MARK3: variants seen among roughly 807,000 people sequenced by gnomAD.
MARK3 encodes microtubule affinity regulating kinase 3.
MARK3 carries 46 observed loss-of-function variants against 90.1 expected under a neutral mutation model. The ratio of observed to expected loss-of-function variants is 0.51; its 90% confidence interval spans 0.40 to 0.65. MARK3 has a LOEUF of 0.65. MARK3 is among the 30% of genes least tolerant of loss of function. The pLI is 0.00. For synonymous variants in MARK3, 321 were observed against 332.6 expected, an observed-to-expected ratio of 0.97 and a Z score of 0.38; for missense variants, 818 against 947.2, an observed-to-expected ratio of 0.86 and a Z score of 1.79.
chr14:103,465,828 T>C, intron 8 of MARK3, 35 bp downstream of exon 8: 2 of 1,574,076 alleles, frequency 1.3e-6, no homozygotes, highest in African/African-American at 2.7e-5. Context: ...TTCACTAAAC[T>C]AAAAGAAGTT....
At chr14:103,483,528 T>G (rs2093864864) in intron 14 of MARK3, among the ~76,000 whole-genome samples, 1 of 152,242 alleles carries the variant, frequency 6.6e-6, no homozygotes, top group South Asian at 2.1e-4. Context: ...TAATTTTAAT[T>G]ATTTTTTCTT....
intron 16 of MARK3, chr14:103,499,874 G>GCAGCAGTGTGTT (rs1273895813): frequency 2.1e-6 from 1 of 467,106 alleles, no homozygotes; most frequent in Admixed American, 3.5e-5. Flanking sequence ...TGCGGTGTGT[G>GCAGCAGTGTGTT]CAGTGTGCAG....
chr14:103,404,758 A>G (rs1037429851), intron 1 of MARK3, among the ~76,000 whole-genome samples: 1 of 152,182 alleles, frequency 6.6e-6, no homozygotes, highest in African/African-American at 2.4e-5. Flanking sequence ...GTGCAGGTGC[A>G]CTTACTAACA....
At chr14:103,391,804 C>T (rs1304441142) in intron 1 of MARK3, among the ~76,000 whole-genome samples, 3 of 151,030 alleles carry the variant, frequency 2.0e-5, no homozygotes, top group African/African-American at 4.9e-5. Context: ...GTGATCCGCC[C>T]GCCTTGGCCT....
At chr14:103,440,955 A>T (rs2092837354) in intron 3 of MARK3, among the ~76,000 whole-genome samples, 1 of 149,524 alleles carries the variant, frequency 6.7e-6, no homozygotes, top group South Asian at 2.1e-4. Context: ...AAAAGAAAAG[A>T]AAAGAAAAAT....
At chr14:103,452,489 T>TTTTTTTTTTTTTTTTTTTTTTTG (rs2093172785) in intron 5 of MARK3, among the ~76,000 whole-genome samples, 1 of 137,428 alleles carries the variant, frequency 7.3e-6, no homozygotes, top group Non-Finnish European at 1.6e-5. Flanking sequence ...TTTTTTTTTT[T>TTTTTTTTTTTTTTTTTTTTTTTG]GAGACGGAGT....
At chr14:103,487,405 G>C (rs1595908563) in intron 14 of MARK3, among the ~76,000 whole-genome samples, 1 of 150,368 alleles carries the variant, frequency 6.7e-6, no homozygotes. Flanking sequence ...TTTTTTTTCT[G>C]CAAAGCATCT....
intron 1 of MARK3, among the ~76,000 whole-genome samples, chr14:103,388,474 T>C (rs1410164962): frequency 6.6e-6 from 1 of 152,220 alleles, no homozygotes; most frequent in Admixed American, 6.5e-5. Context: ...GAGTGGTGAA[T>C]GTACAAGAAT....
At chr14:103,449,994 T>C (rs1224868264) in intron 4 of MARK3, among the ~76,000 whole-genome samples, 1 of 152,126 alleles carries the variant, frequency 6.6e-6, no homozygotes, top group Admixed American at 6.6e-5. Flanking sequence ...GAAAGAAGCT[T>C]TTACAGAGAG....
intron 3 of MARK3, among the ~76,000 whole-genome samples, chr14:103,444,341 T>C (rs2092938978): frequency 6.6e-6 from 1 of 152,142 alleles, no homozygotes; most frequent in South Asian, 2.1e-4. Flanking sequence ...GATGTATAGA[T>C]GTGAAAATGT....
At chr14:103,462,738 T>C (rs2093425796) in intron 7 of MARK3, among the ~76,000 whole-genome samples, 1 of 152,188 alleles carries the variant, frequency 6.6e-6, no homozygotes, top group Admixed American at 6.5e-5. Flanking sequence ...CAGAAATGTA[T>C]GGTCACGCCC....
At chr14:103,469,833 C>T (rs971308128) in intron 12 of MARK3, among the ~76,000 whole-genome samples, 6 of 151,766 alleles carry the variant, frequency 4.0e-5, no homozygotes, top group African/African-American at 1.5e-4. Flanking sequence ...GAGGCCGAGG[C>T]GTGTGGATCA....
intron 2 of MARK3, among the ~76,000 whole-genome samples, chr14:103,409,504 T>G (rs1235799821): frequency 7.3e-5 from 11 of 149,900 alleles, no homozygotes; most frequent in Non-Finnish European, 1.5e-4. Context: ...TCTTGTGGGG[T>G]TTTTTTTGCC....
At chr14:103,447,721 T>C (rs1340724482) in intron 3 of MARK3, among the ~76,000 whole-genome samples, 1 of 152,154 alleles carries the variant, frequency 6.6e-6, no homozygotes, top group Non-Finnish European at 1.5e-5. Context: ...AGCAATTTAA[T>C]ATTTCTTATT....
At chr14:103,460,618 A>G (rs777436380) in intron 6 of MARK3, among the ~76,000 whole-genome samples, 2 of 152,290 alleles carry the variant, frequency 1.3e-5, no homozygotes, top group East Asian at 1.9e-4. Context: ...TTTGGAGCTA[A>G]AGAGAGAGAG....
intron 5 of MARK3, 68 bp downstream of exon 5, chr14:103,452,051 T>A: frequency 9.9e-7 from 1 of 1,012,104 alleles, no homozygotes; most frequent in Non-Finnish European, 1.5e-6. Flanking sequence ...ACAACCATAC[T>A]GCCCATATGG....
At chr14:103,418,525 A>G (rs749464571) in intron 2 of MARK3, among the ~76,000 whole-genome samples, 2 of 152,136 alleles carry the variant, frequency 1.3e-5, no homozygotes, top group Admixed American at 6.6e-5. Context: ...GTTTCTCTAG[A>G]TAAGAATCTT....
chr14:103,487,192 C>T (rs921228414), intron 14 of MARK3, among the ~76,000 whole-genome samples: 7 of 150,936 alleles, frequency 4.6e-5, no homozygotes, highest in East Asian at 2.1e-4. Flanking sequence ...GCTGGGATTA[C>T]AGGCGTGGGC....
At chr14:103,488,257 A>G (rs2093963251) in intron 14 of MARK3, among the ~76,000 whole-genome samples, 1 of 152,136 alleles carries the variant, frequency 6.6e-6, no homozygotes, top group African/African-American at 2.4e-5. Context: ...GTTACGGTCC[A>G]TCTGCTTCTG....
Sources: allele counts gnomAD v4.1 joint callset (sites outside exome capture counted in the v4.1 genomes callset), GRCh38; gene constraint gnomAD v4.1.1; transcripts MANE v1.5; gene names NCBI Gene and HGNC (gene_info 2026-07-23, HGNC 2026-07-21).